PLCE1: variants seen among roughly 807,000 people sequenced by gnomAD.
The protein encoded by PLCE1 is phospholipase C epsilon 1.
Under a neutral mutation model 242.8 loss-of-function variants are expected in PLCE1, and 119 were observed. The observed-to-expected ratio is 0.49, with a 90% CI of 0.42 to 0.57. The LOEUF (loss-of-function observed/expected upper bound fraction) is 0.57. Among genes scored for constraint, PLCE1 ranks in the 20% least tolerant of loss-of-function variants. PLCE1 has a pLI of 0.00. For synonymous variants in PLCE1, 945 were observed against 1,017.4 expected (o/e 0.93, Z 1.35); for missense variants, 2,441 against 2,788.8 (o/e 0.88, Z 2.81).
intron 4 of PLCE1, among the ~76,000 whole-genome samples, chr10:94,179,736 G>A: frequency 6.6e-6 from 1 of 151,418 alleles, no homozygotes; most frequent in East Asian, 1.9e-4. Context: ...AAACTCCTGA[G>A]CTCCAGAGAT....
intron 5 of PLCE1, among the ~76,000 whole-genome samples, chr10:94,230,499 A>G (rs1053463958): frequency 2.0e-5 from 3 of 151,716 alleles, no homozygotes; most frequent in African/African-American, 7.3e-5. Context: ...ATTTTTTTGT[A>G]TTTTTAGTAG....
At chr10:94,195,597 GA>G (rs1033780633) in intron 4 of PLCE1, among the ~76,000 whole-genome samples, 4 of 151,940 alleles carry the variant, frequency 2.6e-5, no homozygotes, top group African/African-American at 9.7e-5. Flanking sequence ...GAAACTAATA[GA>G]AAAAGATCAT....
intron 2 of PLCE1, chr10:94,100,542 G>A (rs188300026): frequency 1.1e-4 from 16 of 152,320 alleles, no homozygotes; most frequent in Middle Eastern, 3.4e-3. Context: ...AAAATTTAGA[G>A]GAGGGATATT....
chr10:94,060,431 A>G (rs1268662943), intron 2 of PLCE1, among the ~76,000 whole-genome samples: 1 of 152,184 alleles, frequency 6.6e-6, no homozygotes, highest in Non-Finnish European at 1.5e-5. Context: ...GAATAAAGGT[A>G]TGAAAAATAA....
chr10:94,323,670 T>G (rs2053904754), intron 30 of PLCE1, among the ~76,000 whole-genome samples: 1 of 152,240 alleles, frequency 6.6e-6, no homozygotes, highest in Non-Finnish European at 1.5e-5. Context: ...AAGGGTTACT[T>G]GCTGTTCTTA....
At chr10:94,207,137 T>G (rs1478492092) in intron 4 of PLCE1, among the ~76,000 whole-genome samples, 1 of 152,184 alleles carries the variant, frequency 6.6e-6, no homozygotes, top group Non-Finnish European at 1.5e-5. Context: ...TTTCTCAGCA[T>G]GGAGGGCAGC....
chr10:94,233,266 G>A (rs529860393), intron 5 of PLCE1, among the ~76,000 whole-genome samples: 89 of 152,320 alleles, frequency 5.8e-4, no homozygotes, highest in African/African-American at 2.1e-3. Context: ...TGGGCTGGTG[G>A]CTTCATGTCA....
At chr10:94,161,328 A>C (rs1376924674) in intron 3 of PLCE1, among the ~76,000 whole-genome samples, 1 of 152,018 alleles carries the variant, frequency 6.6e-6, no homozygotes, top group Non-Finnish European at 1.5e-5. Flanking sequence ...GTCCTCTTTT[A>C]TTTCACTGAG....
chr10:94,183,667 G>A (rs1200703929), intron 4 of PLCE1, among the ~76,000 whole-genome samples: 1 of 152,174 alleles, frequency 6.6e-6, no homozygotes, highest in East Asian at 1.9e-4. Context: ...GGTAATGTAT[G>A]AAGAAAAGAG....
chr10:94,088,444 C>T (rs2044929545), intron 2 of PLCE1, among the ~76,000 whole-genome samples: 1 of 152,188 alleles, frequency 6.6e-6, no homozygotes, highest in Non-Finnish European at 1.5e-5. Context: ...ACAAACATGA[C>T]CTCTCACATC....
chr10:94,022,638 C>T (rs2061392560), intron 1 of PLCE1, among the ~76,000 whole-genome samples: 1 of 151,868 alleles, frequency 6.6e-6, no homozygotes, highest in Admixed American at 6.6e-5. Context: ...TATAGGCCCC[C>T]CTTTTTTTAA....
intron 1 of PLCE1, among the ~76,000 whole-genome samples, chr10:94,009,125 C>T (rs2061112222): frequency 6.6e-6 from 1 of 152,104 alleles, no homozygotes; most frequent in Admixed American, 6.5e-5. Context: ...ATTCTGCAGA[C>T]TGCATAGGAA....
chr10:94,080,785 G>T (rs553040082), intron 2 of PLCE1, among the ~76,000 whole-genome samples: 56 of 152,304 alleles, frequency 3.7e-4, no homozygotes, highest in African/African-American at 1.3e-3. Flanking sequence ...TTGTTTGCTT[G>T]TGTTTATTTA....
chr10:94,023,740 G>A (rs1216403876), intron 1 of PLCE1, among the ~76,000 whole-genome samples: 1 of 152,074 alleles, frequency 6.6e-6, no homozygotes, highest in Non-Finnish European at 1.5e-5. Context: ...AAATATTTGT[G>A]TAGCTTTCTC....
chr10:94,179,936 C>CAA (rs5787102), intron 4 of PLCE1, among the ~76,000 whole-genome samples: 4 of 113,584 alleles, frequency 3.5e-5, no homozygotes, highest in African/African-American at 6.0e-5. Flanking sequence ...TGTTAGTTCC[C>CAA]AAAAAAAAAA....
chr10:94,001,373 T>A (rs1365121073), intron 1 of PLCE1, among the ~76,000 whole-genome samples: 2 of 152,200 alleles, frequency 1.3e-5, no homozygotes, highest in Non-Finnish European at 2.9e-5. Context: ...GGGCTGATGA[T>A]GGGTGCACAC....
chr10:94,074,396 G>T (rs2044445062), intron 2 of PLCE1, among the ~76,000 whole-genome samples: 1 of 151,674 alleles, frequency 6.6e-6, no homozygotes, highest in Non-Finnish European at 1.5e-5. Flanking sequence ...GTAGAGACAG[G>T]GTCTCCCTAT....
intron 1 of PLCE1, among the ~76,000 whole-genome samples, chr10:93,996,114 CGT>C (rs10538788): frequency 0.93 from 141,008 of 151,298 alleles, 65,826 homozygotes; most frequent in East Asian, 0.99. Flanking sequence ...GCTTGCTGCA[CGT>C]GTGTGTGTGT....
chr10:94,155,265 GGTA>G (rs1246771058), intron 3 of PLCE1, among the ~76,000 whole-genome samples: 2 of 151,676 alleles, frequency 1.3e-5, no homozygotes, highest in Non-Finnish European at 2.9e-5. Context: ...AACAAAATGT[GGTA>G]TATACATACA....
Sources: gnomAD v4.1 joint callset for allele counts (sites outside exome capture counted in the v4.1 genomes callset) on GRCh38, gnomAD v4.1.1 for gene constraint, MANE v1.5 for transcripts, NCBI Gene and HGNC (gene_info 2026-07-23, HGNC 2026-07-21) for gene names.